Variants in SUMF1 observed in about 807,000 individuals in gnomAD.
SUMF1 encodes sulfatase modifying factor 1.
In SUMF1, 48 loss-of-function variants were observed where a neutral mutation model predicts 47.6. The ratio of observed to expected loss-of-function variants is 1.01; its 90% CI spans 0.80 to 1.28. The LOEUF (loss-of-function observed/expected upper bound fraction) is 1.28, where lower values mean the gene tolerates loss of function less well. Ranked by LOEUF, SUMF1 falls within the 50% of genes most tolerant of loss-of-function variation. SUMF1 has a pLI of 0.00. For missense variants in SUMF1, 571 were observed against 485.4 expected, an observed-to-expected ratio of 1.18 and a Z score of -1.66; for synonymous variants, 230 against 192.1, an observed-to-expected ratio of 1.20 and a Z score of -1.63.
chr3:4,064,793 C>T (rs536051635), intron 9 of SUMF1, among the ~76,000 whole-genome samples: 7 of 152,260 alleles, frequency 4.6e-5, no homozygotes, highest in African/African-American at 1.7e-4. Flanking sequence ...ATTGTCTCTG[C>T]AGTCCTGAGA....
At chr3:4,405,436 G>C (rs1483086951) in intron 7 of SUMF1, among the ~76,000 whole-genome samples, 2 of 152,210 alleles carry the variant, frequency 1.3e-5, no homozygotes, top group African/African-American at 4.8e-5. Context: ...ACCAAGGCTA[G>C]AGGGCAGTGG....
chr3:4,378,128 A>C (rs867312792), intron 7 of SUMF1, among the ~76,000 whole-genome samples: 1 of 152,154 alleles, frequency 6.6e-6, no homozygotes. Flanking sequence ...TAAGTCAAAA[A>C]TGCATTTAAT....
intron 7 of SUMF1, among the ~76,000 whole-genome samples, chr3:4,385,058 G>A (rs575578922): frequency 6.6e-6 from 1 of 151,970 alleles, no homozygotes; most frequent in South Asian, 2.1e-4. Flanking sequence ...GCTAATTTCT[G>A]TATTTTTAGC....
intron 8 of SUMF1, among the ~76,000 whole-genome samples, chr3:4,270,705 TGGTATTAAAAATTAATCA>T: frequency 6.6e-6 from 1 of 152,170 alleles, no homozygotes; most frequent in Non-Finnish European, 1.5e-5. Flanking sequence ...TAAGTATAAC[TGGTATTAAAAATTAATCA>T]GGTCTGGAAT....
At chr3:4,451,770 G>A (rs1357369221) in intron 2 of SUMF1, among the ~76,000 whole-genome samples, 10 of 152,024 alleles carry the variant, frequency 6.6e-5, no homozygotes, top group South Asian at 4.1e-4. Context: ...TGCAAGCTCC[G>A]CCTCCCGGGT....
intron 8 of SUMF1, among the ~76,000 whole-genome samples, chr3:4,271,468 TAG>T (rs1553615483): frequency 1.9e-4 from 3 of 15,698 alleles, no homozygotes; most frequent in African/African-American, 5.7e-4. Context: ...ATACTATCTA[TAG>T]ATAGATAGAT....
Position 4,333,353 on chromosome 3 carries a change from A to G in SUMF1, c.1014+42977T>C, listed in dbSNP as rs956481533. 2.2e-4 allele frequency among the ~76,000 whole-genome samples: 34 copies of G among 152,210 alleles called. 1 individual carries two copies. Among genetic ancestry groups the G allele is most frequent in the Admixed American group, 1.3e-4 (2 of 15,284 alleles). ...CTTCGAGCAGCGGTGGTGACCAAACAGGCATGCCACATCCATGTTACACAT... is the reference window on the plus strand; with the variant it reads ...CTTCGAGCAGCGGTGGTGACCAAACGGGCATGCCACATCCATGTTACACAT... On this transcript the variant is annotated intron_variant and NMD_transcript_variant, in intron 8 of 12. Transcript: ENST00000448413.
intron 8 of SUMF1, among the ~76,000 whole-genome samples, chr3:4,298,059 T>G (rs899577806): frequency 2.0e-5 from 3 of 152,246 alleles, no homozygotes; most frequent in Admixed American, 6.5e-5. Flanking sequence ...TTTTTATTAC[T>G]GATCAGATTA....
At chr3:4,357,358 C>A (rs1290898989), downstream of SUMF1, among the ~76,000 whole-genome samples, 1 of 150,576 alleles carries the variant, frequency 6.6e-6, no homozygotes, top group Non-Finnish European at 1.5e-5. Flanking sequence ...TTACCACATG[C>A]AAAAATTCTG....
chr3:4,230,630 C>A (rs1288347456), intron 8 of SUMF1, among the ~76,000 whole-genome samples: 1 of 152,112 alleles, frequency 6.6e-6, no homozygotes, highest in Non-Finnish European at 1.5e-5. Flanking sequence ...GGATTCATAA[C>A]CTAGGTATGA....
At chr3:4,311,756 T>A (rs1167166186) in intron 8 of SUMF1, among the ~76,000 whole-genome samples, 1 of 152,240 alleles carries the variant, frequency 6.6e-6, no homozygotes, top group Non-Finnish European at 1.5e-5. Context: ...TTACTCTCCT[T>A]ACTTGTTCAT....
chr3:4,428,940 A>G (rs773473546), intron 3 of SUMF1, among the ~76,000 whole-genome samples: 1 of 152,116 alleles, frequency 6.6e-6, no homozygotes, highest in Non-Finnish European at 1.5e-5. Flanking sequence ...ATATTTTTCT[A>G]TGTTTTATCT....
downstream of SUMF1, among the ~76,000 whole-genome samples, chr3:4,356,394 G>C (rs1435127806): frequency 1.3e-5 from 2 of 152,198 alleles, no homozygotes; most frequent in African/African-American, 4.8e-5. Context: ...ATCACCGATG[G>C]CTGTTAAATG....
intron 8 of SUMF1, chr3:4,317,084 C>A (rs1698692837): frequency 3.9e-6 from 6 of 1,549,034 alleles, no homozygotes; most frequent in Non-Finnish European, 5.2e-6. Flanking sequence ...AGCATCTCAA[C>A]AACTTTTTGC....
At chr3:4,319,851 A>C (rs2125115132) in intron 8 of SUMF1, among the ~76,000 whole-genome samples, 1 of 152,332 alleles carries the variant, frequency 6.6e-6, no homozygotes, top group East Asian at 1.9e-4. Context: ...AGCCACAGAA[A>C]GTCCTGTATG....
chr3:4,285,598 T>A (rs532440535), intron 8 of SUMF1, among the ~76,000 whole-genome samples: 4 of 152,310 alleles, frequency 2.6e-5, no homozygotes, highest in Non-Finnish European at 5.9e-5. Flanking sequence ...TAGTACTTAG[T>A]ACTTTCTTCC....
chr3:4,379,289 T>C (rs1184623568), intron 7 of SUMF1, among the ~76,000 whole-genome samples: 5 of 152,328 alleles, frequency 3.3e-5, no homozygotes, highest in Middle Eastern at 3.4e-3. Flanking sequence ...TTGTAATTAA[T>C]ATAAGATCAT....
chr3:4,431,770 C>T (rs1004218320), intron 3 of SUMF1, among the ~76,000 whole-genome samples: 1 of 152,166 alleles, frequency 6.6e-6, no homozygotes, highest in African/African-American at 2.4e-5. Flanking sequence ...GCATTGCTAG[C>T]AAGGTATCTC....
At chr3:4,418,214 TC>T in intron 4 of SUMF1, 82 bp from the exon 5 acceptor site, 1 of 1,588,382 alleles carries the variant, frequency 6.3e-7, no homozygotes, top group Non-Finnish European at 8.6e-7. Context: ...GCGCCCATAA[TC>T]CCCCTCAGTT....
Sources: allele counts gnomAD v4.1 joint callset (sites outside exome capture counted in the v4.1 genomes callset), GRCh38; gene constraint gnomAD v4.1.1; transcripts MANE v1.5; gene names NCBI Gene and HGNC (gene_info 2026-07-23, HGNC 2026-07-21).